The following MYO5A variants were observed in gnomAD, a reference collection of about 807,000 sequenced individuals.
The protein encoded by MYO5A is unconventional myosin-Va.
A neutral mutation model predicts 249.7 loss-of-function variants in MYO5A; 98 were observed. The observed-to-expected ratio is 0.39, with a 90% CI of 0.33 to 0.46. The LOEUF (loss-of-function observed/expected upper bound fraction) is 0.46. Among genes scored for constraint, MYO5A ranks in the 20% least tolerant of loss-of-function variants. MYO5A has a pLI of 0.98. For missense variants in MYO5A, 1,696 were observed against 2,308.8 expected (o/e 0.73, Z 5.44); for synonymous variants, 778 against 810.6 (o/e 0.96, Z 0.68).
intron 25 of MYO5A, among the ~76,000 whole-genome samples, chr15:52,354,798 G>A (rs1222777339): frequency 2.0e-5 from 3 of 151,090 alleles, no homozygotes; most frequent in Non-Finnish European, 2.9e-5. Context: ...AGGTTGCAGT[G>A]AGCTGAGATT....
At position 52,311,357 on chromosome 15, in the gene MYO5A, G is replaced by A. The variant is rs1031278156; in HGVS notation, c.*2339C>T. The A allele has an allele frequency of 2.0e-5, 3 of 152,100 alleles. No homozygotes were observed. Among genetic ancestry groups the A allele is most frequent in the African/African-American group, 7.2e-5 (3 of 41,420 alleles). 9.4% of individuals were successfully genotyped at this position (152,100 alleles called of 1,614,324 possible). A position where few individuals can be genotyped will look rare whatever the true frequency, so the allele number is the denominator to read the frequency against. On this transcript the variant is annotated 3_prime_UTR_variant, in exon 42 of 42. Coordinates refer to ENST00000399233, the MANE Select transcript of MYO5A (RefSeq NM_001382347.1). ...GCAACTCCCCAACTTACAGCCTATC[G>A]GATGCTGTTAGATTCTGACACATTT...
rs751293557 is a variant in MYO5A, at chr15:52,313,704, G to A, written c.5635C>T (p.Arg1879Trp). 5 of 1,614,140 alleles carry A rather than the reference G, an allele frequency of 3.1e-6. No individual in the cohort carries two copies. The highest frequency in any genetic ancestry group is 4.2e-6 in the Non-Finnish European group (5 of 1,180,032). ...TTGCCTGGACATCACTTTCAGACCC[G>A]TGAAATGAAGCCCAGGCCGAGGCTG... ...PASLGLGFIS[R>W]V The change falls in exon 42 of 42, where the codon CGG (arginine) becomes TGG (tryptophan). Residue 1879 changes from arginine (R) to tryptophan (W), a missense_variant. Arg to Trp is a moderately radical substitution (Grantham distance 101, BLOSUM62 -3). Coordinates refer to ENST00000399233, the MANE Select transcript of MYO5A (RefSeq NM_001382347.1).
intron 20 of MYO5A, among the ~76,000 whole-genome samples, 155 bp from the exon 21 acceptor site, chr15:52,372,518 T>C (rs151069321): frequency 6.6e-6 from 1 of 152,336 alleles, no homozygotes; most frequent in East Asian, 1.9e-4. Flanking sequence ...ATCACAGATA[T>C]ATGGAGGCTA....
At chr15:52,517,459 C>T (rs954182908) in intron 1 of MYO5A, among the ~76,000 whole-genome samples, 1 of 152,164 alleles carries the variant, frequency 6.6e-6, no homozygotes, top group Non-Finnish European at 1.5e-5. Context: ...CTGAGGTGGG[C>T]AGATCACCTG....
rs71425753 is a variant in MYO5A, at chr15:52,504,054, CT to C, written c.27+24725del. 2.1e-3 allele frequency among the ~76,000 whole-genome samples: 260 copies of C among 122,950 alleles called. 1 individual carries two copies. Among genetic ancestry groups the C allele is most frequent in the African/African-American group, 7.6e-3 (251 of 32,848 alleles). The allele number at this position is 122,950 out of a possible 152,430, so 80.7% of individuals were successfully genotyped here. A position where few individuals can be genotyped will look rare whatever the true frequency, so the allele number is the denominator to read the frequency against. On this transcript the variant is annotated intron_variant, in intron 1 of 41. Transcript: ENST00000399233. ...AAGGCTGTTGCTGCTGTTTCTCCTTCTTTTTTTTTTTTTTTTTTTGCCTTTT... is the reference window on the plus strand; with the variant it reads ...AAGGCTGTTGCTGCTGTTTCTCCTTCTTTTTTTTTTTTTTTTTTGCCTTTT...
upstream of MYO5A, chr15:52,528,913 G>A (rs1477457384): frequency 2.0e-5 from 20 of 1,022,394 alleles, no homozygotes; most frequent in Middle Eastern, 3.9e-4. Flanking sequence ...CAGGGAGCAG[G>A]GCAGGGCAGG....
intron 1 of MYO5A, among the ~76,000 whole-genome samples, chr15:52,478,891 G>A (rs575156920): frequency 6.6e-6 from 1 of 152,118 alleles, no homozygotes; most frequent in South Asian, 2.1e-4. Flanking sequence ...AGTACTATGT[G>A]TACTGCAGTT....
intron 1 of MYO5A, among the ~76,000 whole-genome samples, chr15:52,476,156 G>C (rs1452478688): frequency 1.3e-5 from 2 of 151,984 alleles, no homozygotes; most frequent in Non-Finnish European, 2.9e-5. Context: ...GGCCTTCTTT[G>C]TCTCTTCTGA....
intron 13 of MYO5A, among the ~76,000 whole-genome samples, chr15:52,388,312 A>C (rs1352105124): frequency 1.3e-5 from 2 of 152,232 alleles, no homozygotes; most frequent in Non-Finnish European, 2.9e-5. Context: ...GAGAATCAGA[A>C]GGAACAAATG....
chr15:52,363,901 C>G (rs775677505), intron 24 of MYO5A, among the ~76,000 whole-genome samples: 1 of 152,126 alleles, frequency 6.6e-6, no homozygotes, highest in Non-Finnish European at 1.5e-5. Flanking sequence ...TAATCAAAAC[C>G]AGTCTACATG....
At chr15:52,325,571 T>C (rs1472164937) in intron 36 of MYO5A, among the ~76,000 whole-genome samples, 1 of 152,030 alleles carries the variant, frequency 6.6e-6, no homozygotes, top group Non-Finnish European at 1.5e-5. Context: ...TTGGCTAATT[T>C]TTTTATGTTT....
intron 1 of MYO5A, among the ~76,000 whole-genome samples, chr15:52,478,367 G>A (rs1439784284): frequency 6.6e-6 from 1 of 152,160 alleles, no homozygotes; most frequent in South Asian, 2.1e-4. Context: ...TCCTGGGTGA[G>A]GCGATGCCTC....
intron 23 of MYO5A, among the ~76,000 whole-genome samples, chr15:52,366,604 C>A (rs2040818359): frequency 8.8e-6 from 1 of 113,272 alleles, no homozygotes; most frequent in African/African-American, 3.3e-5. Flanking sequence ...AGTGGTGAAT[C>A]TTAGAATAAC....
intron 5 of MYO5A, among the ~76,000 whole-genome samples, chr15:52,413,331 G>A (rs2043332596): frequency 6.6e-6 from 1 of 151,656 alleles, no homozygotes; most frequent in African/African-American, 2.4e-5. Context: ...AAGTTTCAGT[G>A]TGCTATTCCC....
At position 52,360,050 on chromosome 15, in the gene MYO5A, T is replaced by A. The variant is rs963128523; in HGVS notation, c.3341A>T (p.Asp1114Val). 1.2e-6 allele frequency: 2 copies of A among 1,613,552 alleles called. No individual in the cohort carries two copies. Among genetic ancestry groups the A allele is most frequent in the Non-Finnish European group, 1.7e-6 (2 of 1,179,696 alleles). The change falls in exon 25 of 42, where the codon GAC (aspartate) becomes GTC (valine). Residue 1114 changes from aspartate (D) to valine (V), a missense_variant. Coordinates refer to ENST00000399233, the MANE Select transcript of MYO5A (RefSeq NM_001382347.1). ...AGACTCGTTGCTGCTGTGGGTGGAG[T>A]CTGTTCTCTTGTGTCCAGGCTTAGG... ...HVPKPGHKRT[D>V]STHSSNESEY... is the part of the protein sequence containing the mutation.
chr15:52,355,087 T>A (rs1279464280), intron 25 of MYO5A, among the ~76,000 whole-genome samples: 1 of 152,256 alleles, frequency 6.6e-6, no homozygotes, highest in Admixed American at 6.5e-5. Context: ...ATTTTTTACA[T>A]TGTACATTCC....
intron 1 of MYO5A, among the ~76,000 whole-genome samples, chr15:52,461,592 T>C (rs750381690): frequency 1.4e-4 from 21 of 152,156 alleles, no homozygotes; most frequent in Admixed American, 8.5e-4. Context: ...GTAAAACTTA[T>C]TCATATTTAA....
intron 1 of MYO5A, among the ~76,000 whole-genome samples, chr15:52,482,783 G>A (rs2076740813): frequency 6.6e-6 from 1 of 152,148 alleles, no homozygotes. Flanking sequence ...TCAAGGCAAG[G>A]AGCCTGAGGC....
chr15:52,405,375 T>C lies in MYO5A; in HGVS notation c.965A>G (p.Gln322Arg). Residue 322 changes from glutamine (Q) to arginine (R), a missense_variant, in exon 9 of 42, where the codon CAA becomes CGA. Gln to Arg is a conservative substitution (Grantham distance 43). This residue lies in a region of MYO5A where 185 missense variants were observed against 204.8 expected (regional missense o/e 0.90). Transcript: ENST00000399233. ...AGCAAGTATTCGGAAAATTCCCATT[T>C]GATGAGATTCACTAATTCCTGAAAC... ...CTLLGISESH[Q>R]MGIFRILAGI... The C allele has an allele frequency of 6.2e-7, 1 of 1,612,012 alleles. No homozygotes were observed.
Sources: allele counts gnomAD v4.1 joint callset (sites outside exome capture counted in the v4.1 genomes callset), GRCh38; gene constraint gnomAD v4.1.1; regional missense constraint gnomAD v4.1.1; transcripts MANE v1.5; gene names NCBI Gene and HGNC (gene_info 2026-07-23, HGNC 2026-07-21).